The following PDGFA variants were observed in gnomAD, a reference collection of about 807,000 sequenced individuals.
PDGFA encodes the protein platelet-derived growth factor subunit A.
Under a neutral mutation model 25.6 loss-of-function variants are expected in PDGFA, and 9 were observed. The ratio of observed to expected loss-of-function variants is 0.35; its 90% CI spans 0.21 to 0.61. PDGFA has a LOEUF of 0.61. PDGFA is among the 20% of genes least tolerant of loss of function. PDGFA has a pLI of 0.75. For synonymous variants in PDGFA, 133 were observed against 111.8 expected, an observed-to-expected ratio of 1.19 and a Z score of -1.20; for missense variants, 242 against 272.8, an observed-to-expected ratio of 0.89 and a Z score of 0.79.
chr7:497,869 T>TAAAAAAAAAAAAAA (rs377428492), exon 6 of PDGFA: 1 of 24,982 alleles, frequency 4.0e-5, no homozygotes, highest in African/African-American at 2.2e-4. Flanking sequence ...AAGAGATAAT[T>TAAAAAAAAAAAAAA]AAAAAAAAAA....
At chr7:513,666 C>T (rs1782965854) in intron 2 of PDGFA, among the ~76,000 whole-genome samples, 1 of 152,220 alleles carries the variant, frequency 6.6e-6, no homozygotes, top group Non-Finnish European at 1.5e-5. Context: ...ATGGGCTCTG[C>T]ACCTCCTGGG....
At chr7:508,060 C>T (rs189404696) in intron 4 of PDGFA, among the ~76,000 whole-genome samples, 2 of 152,232 alleles carry the variant, frequency 1.3e-5, no homozygotes, top group Admixed American at 6.5e-5. Flanking sequence ...ACCAAGTCCC[C>T]AGAGGCCAAG....
exon 1 of PDGFA, chr7:519,170 A>C (rs1583163214): frequency 4.6e-6 from 2 of 432,682 alleles, no homozygotes; most frequent in East Asian, 8.1e-5. Context: ...GCGAGCAGTG[A>C]GTGCGGAGAG....
At chr7:502,381 C>T (rs1444088670) in intron 4 of PDGFA, among the ~76,000 whole-genome samples, 2 of 152,134 alleles carry the variant, frequency 1.3e-5, no homozygotes, top group African/African-American at 4.8e-5. Context: ...GCAGCAGGGC[C>T]AGCAGACCCA....
In PDGFA at chr7:500,383, G is replaced by A; in HGVS notation, c.580+733C>T. The stretch of plus-strand genomic sequence containing the variant: ...GATTTGCTGGTGTGATCAGTCAGTT[G>A]CACCTCCCCGCCCTGCAGGACTCAG... On this transcript the variant is annotated intron_variant, in intron 5 of 5. Transcript: ENST00000402802. The surrounding 1 kb of genome is among the most constrained non-coding windows in gnomAD (Gnocchi z 5.0). 1 of 1,591,750 alleles carries A rather than the reference G, an allele frequency of 6.3e-7. No individual in the cohort carries two copies. Among genetic ancestry groups the A allele is most frequent in the Admixed American group, 1.7e-5 (1 of 59,916 alleles).
At chr7:501,210 T>C (rs751410989) in exon 5 of PDGFA, 1 of 1,614,214 alleles carries the variant, frequency 6.2e-7, no homozygotes, top group Admixed American at 1.7e-5. Flanking sequence ...CTTTTAATTT[T>C]GGCTTCTTCC....
rs1782268273 is a variant in PDGFA at position 500,288 on chromosome 7, C to T, written c.580+828G>A. On this transcript the variant is annotated intron_variant, in intron 5 of 5. Coordinates refer to ENST00000402802, the Ensembl canonical transcript of PDGFA. This position sits in a 1 kb window ranked among gnomAD's most constrained non-coding sequence, Gnocchi z 5.0. ...GGAGCGGACGGGGAGCAAGGAGACC[C>T]AAGCCCAGCAGACACCATCAAGGCC... The T allele has an allele frequency of 6.7e-6, 6 of 894,806 alleles. No individual in the cohort carries two copies. Among genetic ancestry groups the T allele is most frequent in the Non-Finnish European group, 1.0e-5 (6 of 577,162 alleles). The allele number at this position is 894,806 out of a possible 1,614,324, so 55.4% of individuals were successfully genotyped here.
At chr7:509,756 C>A (rs1278161188) in intron 4 of PDGFA, among the ~76,000 whole-genome samples, 2 of 152,194 alleles carry the variant, frequency 1.3e-5, no homozygotes, top group Non-Finnish European at 2.9e-5. Flanking sequence ...TGCCGGCGCC[C>A]TGATCTTGGA....
chr7:510,758 G>GGAGAGGAGAGGAGGGGAGGA, intron 4 of PDGFA, 51 bp downstream of exon 4: 1 of 539,496 alleles, frequency 1.9e-6, no homozygotes, highest in East Asian at 4.0e-5. Flanking sequence ...GGAGGGGAGG[G>GGAGAGGAGAGGAGGGGAGGA]GAGAGGAGAG....
chr7:507,000 G>A (rs1204134393), intron 4 of PDGFA, among the ~76,000 whole-genome samples: 2 of 152,196 alleles, frequency 1.3e-5, no homozygotes, highest in African/African-American at 4.8e-5. Flanking sequence ...GACCTCAGCT[G>A]ACCCCATCCA....
Position 517,451 on chromosome 7 carries a change from G to T in PDGFA, c.103C>A (p.Arg35Ser). ...TCCCGGATGCTGTGGATCTGACTGC[G>T]GGCCAGCCTCTCGATCACCTCGCGG... The change falls in exon 2 of 6, where the codon CGC (arginine) becomes AGC (serine). Residue 35 changes from arginine (R) to serine (S), a missense_variant. Coordinates refer to ENST00000402802, the Ensembl canonical transcript of PDGFA. This position sits in a 1 kb window ranked among gnomAD's most constrained non-coding sequence, Gnocchi z 7.4. The T allele has an allele frequency of 7.2e-7, 1 of 1,383,318 alleles. No individual in the cohort carries two copies. Among genetic ancestry groups the T allele is most frequent in the Non-Finnish European group, 9.5e-7 (1 of 1,053,622 alleles). 85.7% of individuals were successfully genotyped at this position (1,383,318 alleles called of 1,614,324 possible). A position where few individuals can be genotyped will look rare whatever the true frequency, so the allele number is the denominator to read the frequency against.
intron 4 of PDGFA, among the ~76,000 whole-genome samples, chr7:503,852 T>C (rs1045228714): frequency 6.6e-6 from 1 of 152,218 alleles, no homozygotes; most frequent in East Asian, 1.9e-4. Flanking sequence ...AAACAGGACC[T>C]GGCCTGGGAG....
At chr7:514,551 T>C (rs1783002097) in intron 2 of PDGFA, among the ~76,000 whole-genome samples, 1 of 152,134 alleles carries the variant, frequency 6.6e-6, no homozygotes, top group Admixed American at 6.5e-5. Context: ...GAATCACCCC[T>C]AAAACTGCTC....
Position 501,260 on chromosome 7 carries a change from G to A in PDGFA, c.454-18C>T. ...TTGGCCACCTGCCAGAGAGAACAGA[G>A]CCCGGCCATGAATGCCTGCATGGAG... On this transcript the variant is annotated intron_variant, in intron 4 of 5. Coordinates refer to ENST00000402802, the Ensembl canonical transcript of PDGFA. 1.2e-6 allele frequency: 2 copies of A among 1,613,594 alleles called. No homozygotes were observed. The highest frequency in any genetic ancestry group is 1.7e-6 in the Non-Finnish European group (2 of 1,179,934).
intron 2 of PDGFA, 46 bp from the exon 3 acceptor site, chr7:512,501 T>A (rs1459019389): frequency 6.2e-7 from 1 of 1,612,072 alleles, no homozygotes; most frequent in African/African-American, 1.3e-5. Context: ...GCCCGTGCGC[T>A]GTGCCCTGGG....
intron 4 of PDGFA, among the ~76,000 whole-genome samples, chr7:506,334 T>C (rs9718477): frequency 0.19 from 29,219 of 151,524 alleles, 3,436 homozygotes; most frequent in East Asian, 0.38. Context: ...CCCATATCCA[T>C]TAAGAATGGA....
In PDGFA at chr7:500,894, C is replaced by A; in HGVS notation, c.580+222G>T. Reference sequence around the variant, plus strand: ...GTGAGACCTGAATCTCCTCTCCTGCCAGTGCCGCAGCTTGGGCCACCCTCC... The same window carrying A: ...GTGAGACCTGAATCTCCTCTCCTGCAAGTGCCGCAGCTTGGGCCACCCTCC... On this transcript the variant is annotated intron_variant, in intron 5 of 5. Coordinates refer to ENST00000402802, the Ensembl canonical transcript of PDGFA. This position sits in a 1 kb window ranked among gnomAD's most constrained non-coding sequence, Gnocchi z 5.0. 1 of 1,579,336 alleles carries A rather than the reference C, an allele frequency of 6.3e-7. No homozygotes were observed. The highest frequency in any genetic ancestry group is 8.5e-7 in the Non-Finnish European group (1 of 1,169,982).
chr7:512,303 T>C lies in PDGFA; in HGVS notation c.265+48A>G, dbSNP rs374215181. 1.0e-4 allele frequency: 154 copies of C among 1,532,896 alleles called. 1 individual carries two copies. In the African/African-American group the frequency reaches 1.8e-3, roughly 18 times the overall value. 95.0% of individuals were successfully genotyped at this position (1,532,896 alleles called of 1,614,324 possible). Reference sequence around the variant, plus strand: ...CCCTGCCCATCGCGGCCTCCTGGACTCACCCTGACCCGGCCCTGCCCTGCC... The same window carrying C: ...CCCTGCCCATCGCGGCCTCCTGGACCCACCCTGACCCGGCCCTGCCCTGCC... On this transcript the variant is annotated intron_variant, in intron 3 of 5. Transcript: ENST00000402802.
At chr7:507,668 A>C (rs1782617658) in intron 4 of PDGFA, among the ~76,000 whole-genome samples, 1 of 152,242 alleles carries the variant, frequency 6.6e-6, no homozygotes, top group African/African-American at 2.4e-5. Context: ...TCTAATGAGA[A>C]CAAGACCACA....
Sources: gnomAD v4.1 joint callset for allele counts (sites outside exome capture counted in the v4.1 genomes callset) on GRCh38, gnomAD v4.1.1 for gene constraint, Gnocchi (gnomAD v3.1) non-coding constraint, MANE v1.5 for transcripts, NCBI Gene and HGNC (gene_info 2026-07-23, HGNC 2026-07-21) for gene names.